Variants in KLHL17 observed in about 807,000 individuals in gnomAD.
KLHL17 encodes kelch-like protein 17.
A neutral mutation model predicts 64.6 loss-of-function variants in KLHL17; 71 were observed. That is an observed-to-expected ratio of 1.10 (90% CI 0.91 to 1.34). KLHL17 has a LOEUF of 1.34. Ranked by LOEUF, KLHL17 falls within the 40% of genes most tolerant of loss-of-function variation. The pLI, the probability that KLHL17 is intolerant of heterozygous loss-of-function variation, is 0.00. For missense variants in KLHL17, 1,140 were observed against 935.0 expected (o/e 1.22, Z -2.86); for synonymous variants, 612 against 405.4 (o/e 1.51, Z -6.12).
In KLHL17 at chr1:960,617, C is replaced by G. The variant is rs1642593059; in HGVS notation, c.-77C>G. ...GCGACACAGAGCGGGCCGCCACCGC[C>G]GAGCAGCCCTCCGGCAGTCTCCGCG... On this transcript the variant is annotated 5_prime_UTR_variant, in exon 1 of 12. Transcript: ENST00000338591. The G allele has an allele frequency of 1.7e-6, 2 of 1,202,136 alleles. No individual in the cohort carries two copies. Among genetic ancestry groups the G allele is most frequent in the South Asian group, 4.0e-5 (2 of 49,686 alleles). 74.5% of individuals were successfully genotyped at this position (1,202,136 alleles called of 1,614,324 possible).
Position 964,622 on chromosome 1 carries a change from A to G in KLHL17, c.1700+92A>G, listed in dbSNP as rs1303454227. 15 of 597,440 alleles carry G rather than the reference A, an allele frequency of 2.5e-5. 2 individuals carry two copies. The African/African-American group carries it at 5.8e-4, about 23-fold the overall frequency. The allele number at this position is 597,440 out of a possible 1,614,324, so 37.0% of individuals were successfully genotyped here. On this transcript the variant is annotated intron_variant, in intron 11 of 11. Coordinates refer to ENST00000338591, the MANE Select transcript of KLHL17 (RefSeq NM_198317.3). ...TCCGCAGTGGGGATGTGCTGCGGGG[A>G]GGGGGGCGCGGGTCCGCAGTGGGGA... is the stretch of plus-strand genomic sequence containing the variant.
In KLHL17 at chr1:965,413, C is replaced by T. The variant is rs1440389815; in HGVS notation, c.*222C>T. The T allele has an allele frequency of 7.2e-6, 4 of 555,798 alleles. No individual in the cohort carries two copies. The highest frequency in any genetic ancestry group is 1.3e-5 in the Non-Finnish European group (4 of 316,412). The allele number at this position is 555,798 out of a possible 1,614,324, so 34.4% of individuals were successfully genotyped here. A position where few individuals can be genotyped will look rare whatever the true frequency, so the allele number is the denominator to read the frequency against. On this transcript the variant is annotated 3_prime_UTR_variant, in exon 12 of 12. Transcript: ENST00000338591. ...CGTCTGGTCCTCCTGCGTGTCCTCC[C>T]CTCCACTGCCTGCATGGGGGGCGCG... is the stretch of plus-strand genomic sequence containing the variant.
At chr1:962,243 C>T (rs770221526) in intron 4 of KLHL17, 112 bp from the exon 5 acceptor site, 12 of 1,546,670 alleles carry the variant, frequency 7.8e-6, no homozygotes, top group South Asian at 6.9e-5. Context: ...CGGCCCCTCC[C>T]AGTATGAACA....
rs1642720219 is a variant in KLHL17 at position 962,810 on chromosome 1, T to C, written c.935T>C (p.Ile312Thr). 6.2e-7 allele frequency: 1 copy of C among 1,609,402 alleles called. No homozygotes were observed. Among genetic ancestry groups the C allele is most frequent in the Non-Finnish European group, 8.5e-7 (1 of 1,179,316 alleles). Reference sequence around the variant, plus strand: ...CACCCTGACTGCAAGGACCTCCTCATCGAGGCCCTGAAGTTCCACCTGCTG... The same window carrying C: ...CACCCTGACTGCAAGGACCTCCTCACCGAGGCCCTGAAGTTCCACCTGCTG... The part of the protein sequence containing the change: ...RHHPDCKDLL[I>T]EALKFHLLPE... The change falls in exon 6 of 12, where the codon ATC (isoleucine) becomes ACC (threonine). Residue 312 changes from isoleucine to threonine, a missense_variant. Coordinates refer to ENST00000338591, the MANE Select transcript of KLHL17 (RefSeq NM_198317.3).
chr1:963,743 G>A, intron 8 of KLHL17, 177 bp from the exon 9 acceptor site: 1 of 855,872 alleles, frequency 1.2e-6, no homozygotes, highest in South Asian at 1.6e-5. Context: ...GTGCACCCAG[G>A]GTTGTTCAGG....
intron 5 of KLHL17, 101 bp downstream of exon 5, chr1:962,572 G>A: frequency 6.5e-7 from 1 of 1,536,474 alleles, no homozygotes; most frequent in African/African-American, 1.4e-5. Flanking sequence ...GGGACTCCGT[G>A]GGGGTGGTGC....
intron 4 of KLHL17, 41 bp downstream of exon 4, chr1:962,088 C>CCCCCCCCCCCCTTTT: frequency 6.5e-7 from 1 of 1,529,412 alleles, no homozygotes; most frequent in Admixed American, 1.9e-5. Context: ...CCACCCCACC[C>CCCCCCCCCCCCTTTT]CACCCCAGTC....
chr1:961,596 C>T (rs1377008653), intron 2 of KLHL17, 33 bp from the exon 3 acceptor site: 6 of 1,612,718 alleles, frequency 3.7e-6, no homozygotes, highest in Non-Finnish European at 2.5e-6. Flanking sequence ...GTGGGTCCCT[C>T]GGGTCAGCTC....
In KLHL17 at chr1:960,742, C is replaced by T; in HGVS notation, c.49C>T (p.His17Tyr). 1 of 1,229,900 alleles carries T rather than the reference C, an allele frequency of 8.1e-7. No homozygotes were observed. Among genetic ancestry groups the T allele is most frequent in the South Asian group, 2.6e-5 (1 of 38,816 alleles). The allele number at this position is 1,229,900 out of a possible 1,614,324, so 76.2% of individuals were successfully genotyped here. Reference protein sequence around the residue: ...RPAGRTQSPEHGSPGPGPEAP... With the variant: ...RPAGRTQSPEYGSPGPGPEAP... Reference sequence around the variant, plus strand: ...GGCCGGCAGGACGCAGAGCCCGGAGCACGGCAGCCCGGGGCCCGGGCCCGA... The same window carrying T: ...GGCCGGCAGGACGCAGAGCCCGGAGTACGGCAGCCCGGGGCCCGGGCCCGA... The change falls in exon 1 of 12, where the codon CAC becomes TAC. Residue 17 changes from histidine (H) to tyrosine (Y), a missense_variant. His to Tyr is a moderately conservative substitution (Grantham distance 83). Coordinates refer to ENST00000338591, the MANE Select transcript of KLHL17 (RefSeq NM_198317.3).
rs764709995 is a variant in KLHL17, at chr1:961,307, GC to G, written c.123del (p.Thr42ArgfsTer19). 2.0e-6 allele frequency: 3 copies of G among 1,518,692 alleles called. No individual in the cohort carries two copies. Among genetic ancestry groups the G allele is most frequent in the Non-Finnish European group, 2.6e-6 (3 of 1,140,456 alleles). 94.1% of individuals were successfully genotyped at this position (1,518,692 alleles called of 1,614,324 possible). On this transcript the variant is annotated frameshift_variant, in exon 2 of 12. Coordinates refer to ENST00000338591, the MANE Select transcript of KLHL17 (RefSeq NM_198317.3). LOFTEE classifies it high-confidence loss of function. ...PPQPPAPEAE[R>X]TRPRQARPAA... ...GCCTCCTGCAGCCCCGAGGCAGAGC[GC>G]ACGCGGCCCCGGCAGGCTCGGCCCG...
Position 963,360 on chromosome 1 carries a change from C to G in KLHL17, c.1211C>G (p.Ala404Gly). The G allele has an allele frequency of 1.9e-6, 3 of 1,611,296 alleles. No homozygotes were observed. The highest frequency in any genetic ancestry group is 2.2e-5 in the East Asian group (1 of 44,822). Residue 404 changes from alanine (A) to glycine (G), a missense_variant, in exon 8 of 12, where the codon GCT (alanine) becomes GGT (glycine). Transcript: ENST00000338591. ...VGGYDGTSDL[A>G]TVESYDPVTN... ...AGCTATGATGGGACCTCAGACCTGG[C>G]TACCGTGGAGTCCTACGACCCCGTG...
Position 965,605 on chromosome 1 carries a change from C to G in KLHL17, c.*414C>G, listed in dbSNP as rs757973904. On this transcript the variant is annotated 3_prime_UTR_variant, in exon 12 of 12. Coordinates refer to ENST00000338591, the MANE Select transcript of KLHL17 (RefSeq NM_198317.3). ...GGTGGGGAGCAGTTGTCCTTCCTGT[C>G]GTCGTCTGCCGTGTGCCATCTTTCC... 13 of 210,836 alleles carry G rather than the reference C, an allele frequency of 6.2e-5. No individual in the cohort carries two copies. The highest frequency in any genetic ancestry group is 1.2e-4 in the Non-Finnish European group (13 of 105,320). 13.1% of individuals were successfully genotyped at this position (210,836 alleles called of 1,614,324 possible). A position where few individuals can be genotyped will look rare whatever the true frequency, so the allele number is the denominator to read the frequency against.
Position 960,749 on chromosome 1 carries a change from G to T in KLHL17, c.56G>T (p.Ser19Ile), listed in dbSNP as rs1298658004. Residue 19 changes from serine to isoleucine, a missense_variant, in exon 1 of 12, where the codon AGC becomes ATC. By Grantham distance (142) the Ser-to-Ile change is moderately radical (BLOSUM62 -2). Transcript: ENST00000338591. ...AGGACGCAGAGCCCGGAGCACGGCAGCCCGGGGCCCGGGCCCGAGGCGCCG... is the reference window on the plus strand; with the variant it reads ...AGGACGCAGAGCCCGGAGCACGGCATCCCGGGGCCCGGGCCCGAGGCGCCG... ...AGRTQSPEHG[S>I]PGPGPEAPPP... The T allele has an allele frequency of 1.7e-6, 2 of 1,192,464 alleles. No individual in the cohort carries two copies. The highest frequency in any genetic ancestry group is 2.1e-6 in the Non-Finnish European group (2 of 959,888). 73.9% of individuals were successfully genotyped at this position (1,192,464 alleles called of 1,614,324 possible). A position where few individuals can be genotyped will look rare whatever the true frequency, so the allele number is the denominator to read the frequency against.
chr1:963,883 C>G, intron 8 of KLHL17, 37 bp from the exon 9 acceptor site: 1 of 1,603,734 alleles, frequency 6.2e-7, no homozygotes, highest in Non-Finnish European at 8.5e-7. Flanking sequence ...GCCTTTCTGT[C>G]TCTGCTGAGC....
In KLHL17 at chr1:962,833, C is replaced by T. The variant is rs963234312; in HGVS notation, c.958C>T (p.Leu320=). The T allele has an allele frequency of 1.9e-6, 3 of 1,605,162 alleles. No homozygotes were observed. The highest frequency in any genetic ancestry group is 2.7e-5 in the African/African-American group (2 of 74,942). ...LLIEALKFHL[L]PEQRGVLGTS... is the part of the protein sequence containing the mutation. ...CATCGAGGCCCTGAAGTTCCACCTG[C>T]TGCCTGAGCAGAGGGGCGTCCTAGG... The change falls in exon 6 of 12, where the codon CTG becomes TTG. Residue 320 remains leucine (L), a synonymous_variant. Coordinates refer to ENST00000338591, the MANE Select transcript of KLHL17 (RefSeq NM_198317.3).
chr1:964,578 T>C, intron 11 of KLHL17, 48 bp downstream of exon 11: 1 of 1,381,244 alleles, frequency 7.2e-7, no homozygotes. Context: ...GCAGTGGGGC[T>C]GTGGGAGGGG....
rs1033386568 is a variant in KLHL17 at position 962,361 on chromosome 1, G to C, written c.718G>C (p.Glu240Gln). The C allele has an allele frequency of 6.2e-7, 1 of 1,612,602 alleles. No homozygotes were observed. The highest frequency in any genetic ancestry group is 8.5e-7 in the Non-Finnish European group (1 of 1,179,936). Residue 240 changes from glutamate to glutamine, a missense_variant, in exon 5 of 12, where the codon GAA becomes CAA. Glu to Gln is a conservative substitution (Grantham distance 29). Coordinates refer to ENST00000338591, the MANE Select transcript of KLHL17 (RefSeq NM_198317.3). ...FMLLPLKQVL[E>Q]LVSSDSLNVP... ...TGAGGACCCCCACTCCCAGGTTCTG[G>C]AACTGGTCTCTAGCGACAGCCTGAA...
In KLHL17 at chr1:962,984, C is replaced by G. The variant is rs540170304; in HGVS notation, c.1042+67C>G. 9.8e-5 allele frequency: 149 copies of G among 1,514,980 alleles called. No homozygotes were observed. In the East Asian group the frequency reaches 2.4e-3, roughly 25 times the overall value. 93.8% of individuals were successfully genotyped at this position (1,514,980 alleles called of 1,614,324 possible). ...ACTCCCCACCAGCACAAGCCCACCC[C>G]ACCTGTGCCGGTCAGGTCCTGACCT... On this transcript the variant is annotated intron_variant, in intron 6 of 11. Coordinates refer to ENST00000338591, the MANE Select transcript of KLHL17 (RefSeq NM_198317.3).
Position 961,324 on chromosome 1 carries a change from G to A in KLHL17, c.139G>A (p.Ala47Thr), listed in dbSNP as rs1368168425. The A allele has an allele frequency of 2.6e-6, 4 of 1,540,360 alleles. No individual in the cohort carries two copies. Among genetic ancestry groups the A allele is most frequent in the Non-Finnish European group, 3.5e-6 (4 of 1,148,660 alleles). The stretch of plus-strand genomic sequence containing the variant: ...GGCAGAGCGCACGCGGCCCCGGCAG[G>A]CTCGGCCCGCAGCCCCCATGGAGGG... ...PEAERTRPRQARPAAPMEGAV... is the reference protein window; with the variant it reads ...PEAERTRPRQTRPAAPMEGAV... Residue 47 changes from alanine to threonine, a missense_variant, in exon 2 of 12, where the codon GCT (alanine) becomes ACT (threonine). Physicochemically the swap from Ala to Thr is moderately conservative, Grantham distance 58. Coordinates refer to ENST00000338591, the MANE Select transcript of KLHL17 (RefSeq NM_198317.3).
Sources: gnomAD v4.1 joint callset for allele counts on GRCh38, gnomAD v4.1.1 for gene constraint, MANE v1.5 for transcripts, NCBI Gene and HGNC (gene_info 2026-07-23, HGNC 2026-07-21) for gene names.